The following PRKCH variants were observed in gnomAD, a reference collection of about 807,000 sequenced individuals.
PRKCH encodes the protein protein kinase C eta type.
PRKCH carries 28 observed loss-of-function variants against 82.5 expected under a neutral mutation model. The ratio of observed to expected loss-of-function variants is 0.34; its 90% CI spans 0.25 to 0.47. The LOEUF (loss-of-function observed/expected upper bound fraction) is 0.47, where lower values mean the gene tolerates loss of function less well. Among genes scored for constraint, PRKCH ranks in the 20% least tolerant of loss-of-function variants. The probability of loss-of-function intolerance (pLI) is 1.00; values close to 1 mark genes in which losing one functional copy is unlikely to be tolerated. For synonymous variants in PRKCH, 322 were observed against 327.4 expected (o/e 0.98, Z 0.18); for missense variants, 705 against 881.8 (o/e 0.80, Z 2.54).
intron 1 of PRKCH, among the ~76,000 whole-genome samples, chr14:61,191,156 C>T (rs569364121): frequency 1.3e-5 from 2 of 152,298 alleles, no homozygotes; most frequent in South Asian, 4.1e-4. Flanking sequence ...GAAAATCTGA[C>T]TTCTCTCAGC....
intron 12 of PRKCH, among the ~76,000 whole-genome samples, chr14:61,538,127 G>A (rs568229752): frequency 2.6e-5 from 4 of 152,336 alleles, no homozygotes; most frequent in South Asian, 2.1e-4. Context: ...AATGGGACCC[G>A]AGTAACGCAG....
rs554411575 is a variant in PRKCH, at chr14:61,482,293, G to A, written c.1279-3209G>A. 3.7e-4 allele frequency among the ~76,000 whole-genome samples: 56 copies of A among 152,228 alleles called. 1 individual carries two copies. Among genetic ancestry groups the A allele is most frequent in the Middle Eastern group, 6.8e-3 (2 of 294 alleles). On this transcript the variant is annotated intron_variant, in intron 9 of 13. Coordinates refer to ENST00000332981, the MANE Select transcript of PRKCH (RefSeq NM_006255.5). ...ATGACAGGCATGAGCCACCACGCCT[G>A]GCCTGGATCTTCTTTTCTAAACACT...
chr14:61,489,631 C>G (rs1335777092), intron 10 of PRKCH, among the ~76,000 whole-genome samples: 1 of 152,168 alleles, frequency 6.6e-6, no homozygotes, highest in Non-Finnish European at 1.5e-5. Flanking sequence ...GAAGAGTAGG[C>G]TGGGAAGGAG....
intron 1 of PRKCH, among the ~76,000 whole-genome samples, chr14:61,214,424 C>A (rs916787012): frequency 6.6e-6 from 1 of 151,974 alleles, no homozygotes; most frequent in Non-Finnish European, 1.5e-5. Context: ...TATGAGGACC[C>A]TCTACAATCT....
At chr14:61,478,820 C>T (rs1339339066) in intron 9 of PRKCH, among the ~76,000 whole-genome samples, 2 of 152,108 alleles carry the variant, frequency 1.3e-5, no homozygotes, top group African/African-American at 4.8e-5. Flanking sequence ...ATGATCCTGC[C>T]ACTGCCCTCC....
At chr14:61,401,895 A>G (rs1339479770) in intron 2 of PRKCH, among the ~76,000 whole-genome samples, 1 of 152,236 alleles carries the variant, frequency 6.6e-6, no homozygotes, top group Non-Finnish European at 1.5e-5. Flanking sequence ...AGAATGACAG[A>G]CAAACCATAC....
rs1018719512 is a variant in PRKCH, at chr14:61,322,018, C to G, written c.-84C>G. The G allele has an allele frequency of 7.0e-7, 1 of 1,426,956 alleles. No individual in the cohort carries two copies. 88.4% of individuals were successfully genotyped at this position (1,426,956 alleles called of 1,614,324 possible). Reference sequence around the variant, plus strand: ...GGGCTGCCTCGACTCCTGCACCTGTCCCGAGGGCTGGCCTGAGACGGGACT... The same window carrying G: ...GGGCTGCCTCGACTCCTGCACCTGTGCCGAGGGCTGGCCTGAGACGGGACT... On this transcript the variant is annotated 5_prime_UTR_variant, in exon 1 of 14. Coordinates refer to ENST00000332981, the MANE Select transcript of PRKCH (RefSeq NM_006255.5).
chr14:61,275,466 T>C (rs1413626850), intron 1 of PRKCH, among the ~76,000 whole-genome samples: 1 of 152,206 alleles, frequency 6.6e-6, no homozygotes, highest in African/African-American at 2.4e-5. Context: ...GCCACTATAA[T>C]GGGAACTTAG....
chr14:61,341,352 C>G (rs2045928049), intron 1 of PRKCH, among the ~76,000 whole-genome samples: 1 of 152,190 alleles, frequency 6.6e-6, no homozygotes, highest in African/African-American at 2.4e-5. Flanking sequence ...TACAGAAGGA[C>G]TTGTATAACA....
chr14:61,219,371 A>G (rs527286698), intron 1 of PRKCH, among the ~76,000 whole-genome samples: 37 of 152,222 alleles, frequency 2.4e-4, no homozygotes, highest in Non-Finnish European at 4.9e-4. Flanking sequence ...TGAAAGAGCC[A>G]TTCTGTTCTT....
At chr14:61,243,314 C>T (rs538666960) in intron 1 of PRKCH, among the ~76,000 whole-genome samples, 1 of 145,526 alleles carries the variant, frequency 6.9e-6, no homozygotes, top group South Asian at 2.2e-4. Context: ...AGGGGAGTTG[C>T]TTGAACTCGG....
intron 7 of PRKCH, 59 bp from the exon 8 acceptor site, chr14:61,457,117 G>C: frequency 6.3e-7 from 1 of 1,583,004 alleles, no homozygotes; most frequent in South Asian, 1.2e-5. Context: ...TCTTCTTCGT[G>C]CATGGGTGCT....
chr14:61,327,837 A>C (rs2045718210), intron 1 of PRKCH, among the ~76,000 whole-genome samples: 1 of 152,250 alleles, frequency 6.6e-6, no homozygotes, highest in African/African-American at 2.4e-5. Flanking sequence ...GTAAAGTGTA[A>C]GTACTTTGGG....
At chr14:61,286,567 G>C (rs897908145) in intron 1 of PRKCH, among the ~76,000 whole-genome samples, 2 of 148,064 alleles carry the variant, frequency 1.4e-5, no homozygotes, top group African/African-American at 5.0e-5. Flanking sequence ...ACCTGAGGTC[G>C]GGAGTTCGAG....
intron 1 of PRKCH, among the ~76,000 whole-genome samples, chr14:61,311,493 C>T (rs76077405): frequency 0.029 from 4,467 of 152,278 alleles, 122 homozygotes; most frequent in African/African-American, 0.069. Context: ...CTCTAGGAAA[C>T]TCCAAACTAT....
At chr14:61,523,282 C>A (rs2042927601) in intron 10 of PRKCH, among the ~76,000 whole-genome samples, 1 of 152,212 alleles carries the variant, frequency 6.6e-6, no homozygotes, top group Admixed American at 6.5e-5. Context: ...TGCAGTATTT[C>A]GATTATGCAT....
chr14:61,427,497 C>T (rs1369803461), intron 2 of PRKCH, among the ~76,000 whole-genome samples: 1 of 152,098 alleles, frequency 6.6e-6, no homozygotes, highest in South Asian at 2.1e-4. Flanking sequence ...GCAAATTTTC[C>T]TCCACAAAAA....
intron 2 of PRKCH, among the ~76,000 whole-genome samples, chr14:61,432,486 G>A (rs1883454835): frequency 1.3e-5 from 2 of 152,082 alleles, no homozygotes; most frequent in Non-Finnish European, 2.9e-5. Flanking sequence ...CCCTCATTCT[G>A]GAAAGCTAGT....
At chr14:61,345,929 T>C (rs2045986967) in intron 1 of PRKCH, among the ~76,000 whole-genome samples, 1 of 151,676 alleles carries the variant, frequency 6.6e-6, no homozygotes, top group Non-Finnish European at 1.5e-5. Context: ...ATGGAACCAC[T>C]AAGCTGCATT....
Sources: gnomAD v4.1 joint callset for allele counts (sites outside exome capture counted in the v4.1 genomes callset) on GRCh38, gnomAD v4.1.1 for gene constraint, MANE v1.5 for transcripts, NCBI Gene and HGNC (gene_info 2026-07-23, HGNC 2026-07-21) for gene names.